The following SNX29 variants were observed in gnomAD, a reference collection of about 807,000 sequenced individuals.
The protein encoded by SNX29 is sorting nexin 29.
Under a neutral mutation model 102.1 loss-of-function variants are expected in SNX29, and 78 were observed. The ratio of observed to expected loss-of-function variants is 0.76; its 90% confidence interval spans 0.64 to 0.92. SNX29 has a LOEUF of 0.92. Ranked by LOEUF, SNX29 falls within the 40% of genes least tolerant of loss-of-function variation. The probability of loss-of-function intolerance (pLI) is 0.00; values close to 1 mark genes in which losing one functional copy is unlikely to be tolerated. For missense variants in SNX29, 1,280 were observed against 1,061.7 expected, an observed-to-expected ratio of 1.21 and a Z score of -2.86; for synonymous variants, 580 against 414.5, an observed-to-expected ratio of 1.40 and a Z score of -4.85.
chr16:12,345,110 G>T (rs1194944664), intron 15 of SNX29, among the ~76,000 whole-genome samples: 1 of 152,226 alleles, frequency 6.6e-6, no homozygotes, highest in Non-Finnish European at 1.5e-5. Flanking sequence ...GGTGTTGTCA[G>T]TGGCTTTGGC....
chr16:12,005,559 G>T (rs1291486104), intron 3 of SNX29, among the ~76,000 whole-genome samples: 1 of 152,008 alleles, frequency 6.6e-6, no homozygotes, highest in East Asian at 1.9e-4. Flanking sequence ...TGTGTGTATG[G>T]GTGTGTGTGC....
At position 12,179,354 on chromosome 16, in the gene SNX29, G is replaced by A. The variant is rs561474180; in HGVS notation, c.1596-20247G>A. 9.1e-4 allele frequency among the ~76,000 whole-genome samples: 139 copies of A among 152,294 alleles called. 1 individual carries two copies. Among genetic ancestry groups the A allele is most frequent in the African/African-American group, 3.1e-3 (128 of 41,570 alleles). On this transcript the variant is annotated intron_variant, in intron 13 of 20. Coordinates refer to ENST00000566228, the MANE Select transcript of SNX29 (RefSeq NM_032167.5). ...GAAAAAGTTAGCCAGGTGTGGGGGT[G>A]CACACCTGTAGGCCTAGCTACTCGG...
At chr16:12,164,236 G>T (rs904394135) in intron 13 of SNX29, among the ~76,000 whole-genome samples, 1 of 152,266 alleles carries the variant, frequency 6.6e-6, no homozygotes, top group Non-Finnish European at 1.5e-5. Context: ...GTCAAGAGGG[G>T]CGCAGAGCAG....
intron 18 of SNX29, among the ~76,000 whole-genome samples, chr16:12,425,822 A>AT (rs2085054178): frequency 6.6e-6 from 1 of 152,038 alleles, no homozygotes; most frequent in Non-Finnish European, 1.5e-5. Flanking sequence ...TGAGAGCTAC[A>AT]TGTTTTTTCA....
In SNX29 at chr16:12,455,026, G is replaced by A. The variant is rs183396321; in HGVS notation, c.2038-22693G>A. Among the ~76,000 whole-genome samples the A allele has an allele frequency of 1.8e-3, 277 of 152,314 alleles. 2 individuals are homozygous for A. The highest frequency in any genetic ancestry group is 6.6e-3 in the African/African-American group (273 of 41,570). On this transcript the variant is annotated intron_variant, in intron 18 of 20. Transcript: ENST00000566228. ...GCCTCCCAAAGTGCTGAGATTACAG[G>A]CATGAGCCATCACGCCTGGCCCGTT...
chr16:12,164,800 G>A (rs762089552), intron 13 of SNX29, among the ~76,000 whole-genome samples: 146 of 147,740 alleles, frequency 9.9e-4, no homozygotes, highest in Non-Finnish European at 1.9e-3. Context: ...CAGCTCTCCT[G>A]CCTCAGCCTC....
At chr16:12,364,067 G>A (rs754922316) in intron 16 of SNX29, among the ~76,000 whole-genome samples, 7 of 151,986 alleles carry the variant, frequency 4.6e-5, no homozygotes, top group Admixed American at 6.6e-5. Context: ...ATCATAGCTC[G>A]GTGTAACCTC....
At chr16:12,120,256 CTTTA>C (rs1043703938) in intron 11 of SNX29, among the ~76,000 whole-genome samples, 10 of 152,140 alleles carry the variant, frequency 6.6e-5, no homozygotes, top group Admixed American at 1.3e-4. Flanking sequence ...GAGGAACATT[CTTTA>C]TTTGTGCATG....
At chr16:11,976,933 C>A in intron 1 of SNX29, 120 bp downstream of exon 1, 4 of 1,226,110 alleles carry the variant, frequency 3.3e-6, no homozygotes, top group Non-Finnish European at 4.1e-6. Flanking sequence ...CTCCCAGTCG[C>A]TCCCTTTTCC....
chr16:12,264,712 G>T (rs1567373806), intron 14 of SNX29, among the ~76,000 whole-genome samples: 1 of 151,416 alleles, frequency 6.6e-6, no homozygotes, highest in African/African-American at 2.4e-5. Flanking sequence ...AACCCGGGAG[G>T]CATAGGTTGC....
chr16:12,043,791 T>C (rs1365030750), intron 5 of SNX29, among the ~76,000 whole-genome samples: 6 of 152,204 alleles, frequency 3.9e-5, no homozygotes, highest in African/African-American at 1.4e-4. Flanking sequence ...CCTCACTCTT[T>C]TGCCCAGGCT....
intron 20 of SNX29, among the ~76,000 whole-genome samples, chr16:12,556,804 C>CTAAA (rs1298116537): frequency 2.6e-5 from 4 of 151,906 alleles, no homozygotes; most frequent in Non-Finnish European, 5.9e-5. Context: ...GCCCCCTTTA[C>CTAAA]TAAAGTACAG....
chr16:12,258,499 T>G lies in SNX29; in HGVS notation c.1679-19434T>G, dbSNP rs556063911. 2.0e-5 allele frequency among the ~76,000 whole-genome samples: 3 copies of G among 152,286 alleles called. No individual in the cohort carries two copies. The East Asian group carries it at 5.8e-4, about 29-fold the overall frequency. ...GAGGCACCCTCTCCAGTGTATGTTT[T>G]GCATAGAAATTGTTACTCCCGGAAA... On this transcript the variant is annotated intron_variant, in intron 14 of 20. Coordinates refer to ENST00000566228, the MANE Select transcript of SNX29 (RefSeq NM_032167.5).
chr16:12,352,842 A>G (rs141027986), intron 15 of SNX29, among the ~76,000 whole-genome samples: 1 of 152,192 alleles, frequency 6.6e-6, no homozygotes, highest in Admixed American at 6.5e-5. Context: ...AGTGTTGTCA[A>G]ATGGCATCTC....
intron 18 of SNX29, among the ~76,000 whole-genome samples, chr16:12,423,536 TAA>T (rs2084946877): frequency 2.0e-5 from 3 of 152,108 alleles, no homozygotes; most frequent in Admixed American, 2.0e-4. Context: ...AAGGCTGGGG[TAA>T]CAGGTGCCAA....
At chr16:12,141,657 C>T (rs1376208517) in intron 13 of SNX29, among the ~76,000 whole-genome samples, 3 of 152,242 alleles carry the variant, frequency 2.0e-5, no homozygotes, top group African/African-American at 4.8e-5. Flanking sequence ...GGATAACTTA[C>T]GGACATTGCC....
chr16:12,275,881 G>GTTTT (rs34099498), intron 14 of SNX29, among the ~76,000 whole-genome samples: 1,333 of 103,986 alleles, frequency 0.013, 20 homozygotes, highest in African/African-American at 0.046. Context: ...CATTTTAATT[G>GTTTT]TTTTTTTTTT....
chr16:12,044,769 G>A (rs1596679369), intron 5 of SNX29, among the ~76,000 whole-genome samples: 1 of 152,072 alleles, frequency 6.6e-6, no homozygotes, highest in East Asian at 1.9e-4. Flanking sequence ...TAGTAGAGAC[G>A]GGGCTTCACT....
At chr16:12,202,142 G>C (rs2076928887) in intron 14 of SNX29, among the ~76,000 whole-genome samples, 1 of 152,096 alleles carries the variant, frequency 6.6e-6, no homozygotes, top group Admixed American at 6.5e-5. Flanking sequence ...TTACATTCTT[G>C]TGTAAAAAGC....
Sources: gnomAD v4.1 joint callset for allele counts (sites outside exome capture counted in the v4.1 genomes callset) on GRCh38, gnomAD v4.1.1 for gene constraint, MANE v1.5 for transcripts, NCBI Gene and HGNC (gene_info 2026-07-23, HGNC 2026-07-21) for gene names.